The following SIPA1L3 variants were observed in gnomAD, a reference collection of about 807,000 sequenced individuals.
SIPA1L3 encodes signal-induced proliferation-associated 1-like protein 3.
A neutral mutation model predicts 150.1 loss-of-function variants in SIPA1L3; 59 were observed. The ratio of observed to expected loss-of-function variants is 0.39; its 90% confidence interval spans 0.32 to 0.49. The LOEUF (loss-of-function observed/expected upper bound fraction) is 0.49, where lower values mean the gene tolerates loss of function less well. SIPA1L3 is among the 20% of genes least tolerant of loss of function. SIPA1L3 has a pLI of 0.86. For missense variants in SIPA1L3, 2,211 were observed against 2,489.5 expected (o/e 0.89, Z 2.38); for synonymous variants, 1,070 against 1,077.6 (o/e 0.99, Z 0.14).
At chr19:38,139,485 G>A (rs1763613206) in intron 10 of SIPA1L3, among the ~76,000 whole-genome samples, 1 of 152,098 alleles carries the variant, frequency 6.6e-6, no homozygotes, top group South Asian at 2.1e-4. Flanking sequence ...CCCCACCTCT[G>A]CCCGGGCCTG....
intron 2 of SIPA1L3, among the ~76,000 whole-genome samples, chr19:38,061,218 A>T: frequency 6.7e-6 from 1 of 149,714 alleles, no homozygotes; most frequent in East Asian, 2.0e-4. Context: ...ATGGTTTGGT[A>T]TCTGCCTCCT....
At chr19:37,986,903 T>A (rs1254704385) in intron 1 of SIPA1L3, among the ~76,000 whole-genome samples, 2 of 152,134 alleles carry the variant, frequency 1.3e-5, no homozygotes, top group Non-Finnish European at 2.9e-5. Context: ...TCATCTGGTC[T>A]GAGGAGGAGC....
chr19:38,142,460 T>A (rs1971609868), intron 11 of SIPA1L3, 113 bp from the exon 12 acceptor site: 3 of 1,237,408 alleles, frequency 2.4e-6, no homozygotes, highest in Non-Finnish European at 3.3e-6. Context: ...GAAAGTTCGG[T>A]TGGTCTGTCT....
chr19:38,065,453 T>C (rs905370252), intron 2 of SIPA1L3, among the ~76,000 whole-genome samples: 5 of 151,444 alleles, frequency 3.3e-5, no homozygotes, highest in Non-Finnish European at 7.4e-5. Flanking sequence ...TTCGCTGTTA[T>C]TGCCCAGGCT....
chr19:38,044,392 G>T (rs1235496699), intron 2 of SIPA1L3, among the ~76,000 whole-genome samples: 1 of 152,210 alleles, frequency 6.6e-6, no homozygotes, highest in Non-Finnish European at 1.5e-5. Context: ...GGATGGGGAA[G>T]AGCGAAGCTG....
chr19:38,099,305 G>A (rs1970445825), intron 4 of SIPA1L3, among the ~76,000 whole-genome samples: 1 of 150,990 alleles, frequency 6.6e-6, no homozygotes, highest in Non-Finnish European at 1.5e-5. Flanking sequence ...CCAAAGTGCT[G>A]GGGTTACAGG....
rs1296565745 is a variant in SIPA1L3, at chr19:38,082,979, A to G, written c.1414A>G (p.Ser472Gly). ...PALSAYRTNA[S>G]ISVLEVPKEQ... The stretch of plus-strand genomic sequence containing the variant: ...CCTGAGCGCCTACCGCACCAACGCC[A>G]GCATCTCGGTGTTGGAAGTTCCCAA... Residue 472 changes from serine (S) to glycine (G), a missense_variant, in exon 3 of 22, where the codon AGC (serine) becomes GGC (glycine). Transcript: ENST00000222345. 5 of 1,613,028 alleles carry G rather than the reference A, an allele frequency of 3.1e-6. No individual in the cohort carries two copies. In the African/African-American group the frequency reaches 5.3e-5, roughly 17 times the overall value.
intron 15 of SIPA1L3, among the ~76,000 whole-genome samples, chr19:38,174,470 A>C (rs76856061): frequency 0.024 from 3,635 of 152,176 alleles, 145 homozygotes; most frequent in African/African-American, 0.082. Flanking sequence ...TCTACATCAC[A>C]GCTCCACCTC....
chr19:37,938,954 G>A (rs564476427), intron 1 of SIPA1L3, among the ~76,000 whole-genome samples: 1 of 152,168 alleles, frequency 6.6e-6, no homozygotes, highest in Non-Finnish European at 1.5e-5. Flanking sequence ...TGAATTGTAG[G>A]TGTTCTTTAT....
intron 1 of SIPA1L3, among the ~76,000 whole-genome samples, chr19:38,010,140 C>G (rs543523818): frequency 9.8e-5 from 15 of 152,302 alleles, no homozygotes; most frequent in Admixed American, 2.0e-4. Flanking sequence ...AGAACACAGG[C>G]CTGTGATCTC....
At chr19:37,943,544 G>T (rs1397510552) in intron 1 of SIPA1L3, among the ~76,000 whole-genome samples, 1 of 152,154 alleles carries the variant, frequency 6.6e-6, no homozygotes, top group Non-Finnish European at 1.5e-5. Flanking sequence ...TTATTACAGG[G>T]CAGAAAACGG....
In SIPA1L3 at chr19:38,152,891, C is replaced by T. The variant is rs772902004; in HGVS notation, c.3585C>T (p.His1195=). ...PLLSLDPHFS[H]DGTSSGDSSS... ...TATCTCTTGATCCCCACTTCAGCCA[C>T]GATGGGACGTCCAGCGGCGACTCCT... The change falls in exon 13 of 22, where the codon CAC becomes CAT. Residue 1195 remains histidine, a synonymous_variant. Coordinates refer to ENST00000222345, the MANE Select transcript of SIPA1L3 (RefSeq NM_015073.3). 24 of 1,613,714 alleles carry T rather than the reference C, an allele frequency of 1.5e-5. No individual in the cohort carries two copies. Among genetic ancestry groups the T allele is most frequent in the Middle Eastern group, 1.6e-4 (1 of 6,084 alleles).
chr19:38,101,899 C>T (rs956133376), intron 6 of SIPA1L3, among the ~76,000 whole-genome samples: 1 of 152,198 alleles, frequency 6.6e-6, no homozygotes, highest in Non-Finnish European at 1.5e-5. Flanking sequence ...AGAGTTGCGC[C>T]GTGTTCACCC....
chr19:37,963,729 T>C (rs946905562), intron 1 of SIPA1L3: 1 of 152,272 alleles, frequency 6.6e-6, no homozygotes, highest in East Asian at 1.9e-4. Context: ...CTGTCTACTT[T>C]CATTGTTGAT....
chr19:38,143,542 CTTTTTTTTT>C (rs10669806), intron 12 of SIPA1L3, among the ~76,000 whole-genome samples: 1 of 79,978 alleles, frequency 1.3e-5, no homozygotes, highest in African/African-American at 5.7e-5. Flanking sequence ...CTTTCTGTGT[CTTTTTTTTT>C]TTTTTTTTTT....
rs1250170240 is a variant in SIPA1L3, at chr19:38,030,623, A to AATACATATATATAT, written c.-311+1470_-311+1471insCATATATATATATA. On this transcript the variant is annotated intron_variant, in intron 2 of 21. Coordinates refer to ENST00000222345, the MANE Select transcript of SIPA1L3 (RefSeq NM_015073.3). ...ATATTTTATATATATATATGTGGCA[A>AATACATATATATAT]ATATATATATATATATATATATATA... 7.4e-3 allele frequency among the ~76,000 whole-genome samples: 317 copies of AATACATATATATAT among 42,584 alleles called. 20 individuals are homozygous for AATACATATATATAT. Among genetic ancestry groups the AATACATATATATAT allele is most frequent in the South Asian group, 0.03 (39 of 1,296 alleles). The allele number at this position is 42,584 out of a possible 152,430, so 27.9% of individuals were successfully genotyped here.
intron 1 of SIPA1L3, among the ~76,000 whole-genome samples, chr19:38,027,297 G>A (rs61095517): frequency 2.7e-4 from 41 of 152,082 alleles, no homozygotes; most frequent in Admixed American, 5.9e-4. Context: ...CAAAAAAAAA[G>A]AAATTATTCT....
chr19:38,201,708 G>T (rs1168544023), intron 19 of SIPA1L3, among the ~76,000 whole-genome samples, 154 bp from the exon 20 acceptor site: 1 of 152,148 alleles, frequency 6.6e-6, no homozygotes, highest in Non-Finnish European at 1.5e-5. Flanking sequence ...CATTTGGTTG[G>T]TTTTTTGGCA....
intron 2 of SIPA1L3, among the ~76,000 whole-genome samples, chr19:38,039,393 TG>T (rs1174829054): frequency 1.5e-4 from 1 of 6,464 alleles, no homozygotes; most frequent in South Asian, 4.8e-3. Context: ...CAGCGGGGGG[TG>T]GGGGTGGTGG....
Sources: gnomAD v4.1 joint callset for allele counts (sites outside exome capture counted in the v4.1 genomes callset) on GRCh38, gnomAD v4.1.1 for gene constraint, MANE v1.5 for transcripts, NCBI Gene and HGNC (gene_info 2026-07-23, HGNC 2026-07-21) for gene names.